The following PLEKHA8 variants were observed in gnomAD, a reference collection of about 807,000 sequenced individuals.
The protein encoded by PLEKHA8 is pleckstrin homology domain-containing family A member 8.
Under a neutral mutation model 68.2 loss-of-function variants are expected in PLEKHA8, and 36 were observed. The observed-to-expected ratio is 0.53, with a 90% CI of 0.40 to 0.70. The LOEUF is 0.70. PLEKHA8 is among the 30% of genes least tolerant of loss of function. The probability of loss-of-function intolerance (pLI) is 0.00; values close to 1 mark genes in which losing one functional copy is unlikely to be tolerated. For missense variants in PLEKHA8, 505 were observed against 615.4 expected (o/e 0.82, Z 1.90); for synonymous variants, 211 against 216.1 (o/e 0.98, Z 0.20).
At chr7:30,040,033 T>C (rs1304027753) in intron 1 of PLEKHA8, among the ~76,000 whole-genome samples, 1 of 152,242 alleles carries the variant, frequency 6.6e-6, no homozygotes, top group African/African-American at 2.4e-5. Flanking sequence ...CTTTATCAGG[T>C]TGAAGAAGTT....
chr7:30,072,892 G>A (rs1212906105), intron 12 of PLEKHA8, among the ~76,000 whole-genome samples: 1 of 152,200 alleles, frequency 6.6e-6, no homozygotes, highest in Non-Finnish European at 1.5e-5. Flanking sequence ...TGATGCTTAG[G>A]AAATAAAGTG....
chr7:30,118,655 G>T (rs974861573), intron 13 of PLEKHA8, among the ~76,000 whole-genome samples: 1 of 150,724 alleles, frequency 6.6e-6, no homozygotes, highest in Admixed American at 6.6e-5. Context: ...TCGGCTCACT[G>T]CAAGCTCCGC....
At chr7:30,077,142 T>A (rs771902638) in intron 13 of PLEKHA8, among the ~76,000 whole-genome samples, 20 of 152,298 alleles carry the variant, frequency 1.3e-4, no homozygotes, top group Non-Finnish European at 2.2e-4. Flanking sequence ...CCTCCAAATT[T>A]TGAAGGCATT....
chr7:30,126,821 A>G (rs941780526), intron 13 of PLEKHA8, among the ~76,000 whole-genome samples: 1 of 152,224 alleles, frequency 6.6e-6, no homozygotes, highest in Non-Finnish European at 1.5e-5. Context: ...GTTATTCACT[A>G]TCATGAGAAT....
rs533133610 is a variant in PLEKHA8, at chr7:30,029,951, A to AT, written c.40+1157dup. On this transcript the variant is annotated intron_variant, in intron 1 of 13. Coordinates refer to ENST00000449726, the MANE Select transcript of PLEKHA8 (RefSeq NM_001197026.2). ...TAATTAGCAGTGAGTTCACCTGTTT[A>AT]TTTTTTTTCTGTAATCATTAATAGA... is the stretch of plus-strand genomic sequence containing the variant. Among the ~76,000 whole-genome samples the AT allele has an allele frequency of 3.4e-4, 51 of 151,978 alleles. No homozygotes were observed. In the South Asian group the frequency reaches 4.8e-3, roughly 14 times the overall value.
chr7:30,114,576 A>G (rs541084985), intron 13 of PLEKHA8, among the ~76,000 whole-genome samples: 1 of 152,222 alleles, frequency 6.6e-6, no homozygotes, highest in South Asian at 2.1e-4. Context: ...TCCAATTGTC[A>G]TTCTATTATA....
rs141749077 is a variant in PLEKHA8, at chr7:30,115,906, ACATG to A, written c.1363-13354_1363-13351del. 821 of 137,688 alleles carry A rather than the reference ACATG, an allele frequency of 6.0e-3. 66 individuals are homozygous for A. Among genetic ancestry groups the A allele is most frequent in the African/African-American group, 0.021 (744 of 35,306 alleles). The allele number at this position is 137,688 out of a possible 1,614,324, so 8.5% of individuals were successfully genotyped here. A position where few individuals can be genotyped will look rare whatever the true frequency, so the allele number is the denominator to read the frequency against. On this transcript the variant is annotated intron_variant, in intron 13 of 13. Transcript: ENST00000396257. ...CATACATGCGTATACATGCATGTAT[ACATG>A]CATGCGTGCGTGTACATACATGTAT...
intron 13 of PLEKHA8, among the ~76,000 whole-genome samples, chr7:30,097,013 G>T (rs1425625956): frequency 6.6e-6 from 1 of 152,092 alleles, no homozygotes; most frequent in Admixed American, 6.5e-5. Context: ...CTCTTTTAGG[G>T]CAGGCCTGGT....
At chr7:30,033,484 A>T (rs1368297482) in intron 1 of PLEKHA8, among the ~76,000 whole-genome samples, 5 of 152,210 alleles carry the variant, frequency 3.3e-5, no homozygotes, top group Non-Finnish European at 5.9e-5. Context: ...TTATTACCAA[A>T]TAATATTTCA....
At chr7:30,073,796 T>A (rs1444452066) in intron 12 of PLEKHA8, among the ~76,000 whole-genome samples, 2 of 152,022 alleles carry the variant, frequency 1.3e-5, no homozygotes, top group African/African-American at 4.8e-5. Flanking sequence ...CAGAACAGCC[T>A]GGGCAACATA....
intron 13 of PLEKHA8, among the ~76,000 whole-genome samples, chr7:30,115,599 TACATACATTTATACATGCAC>T (rs1335621769): frequency 2.7e-5 from 4 of 150,536 alleles, no homozygotes; most frequent in Non-Finnish European, 6.0e-5. Flanking sequence ...TAGACATGTA[TACATACATTTATACATGCAC>T]ACATACATGT....
chr7:30,085,720 A>C (rs1291363529), downstream of PLEKHA8, among the ~76,000 whole-genome samples: 1 of 152,128 alleles, frequency 6.6e-6, no homozygotes, highest in Non-Finnish European at 1.5e-5. Flanking sequence ...TAGAATTGAG[A>C]GTGGGAGGGA....
At chr7:30,111,242 G>A (rs1796264918) in intron 13 of PLEKHA8, among the ~76,000 whole-genome samples, 1 of 151,998 alleles carries the variant, frequency 6.6e-6, no homozygotes, top group African/African-American at 2.4e-5. Context: ...TATTCTGGAT[G>A]CAAGTCCCTC....
chr7:30,078,709 C>A lies in PLEKHA8; in HGVS notation c.1482C>A (p.Leu494=), dbSNP rs761367601. The A allele has an allele frequency of 1.9e-6, 3 of 1,613,852 alleles. No individual in the cohort carries two copies. The highest frequency in any genetic ancestry group is 2.2e-5 in the South Asian group (2 of 91,082). ...IGMQRDLSLY[L]PAMEKQLAIL... ...TGCAGAGGGACCTCAGCCTTTACCT[C>A]CCTGCCATGGAGAAGCAGCTGGCCA... Residue 494 remains leucine, a synonymous_variant, in exon 14 of 14, where the codon CTC becomes CTA. Transcript: ENST00000449726.
chr7:30,090,134 A>G (rs753108000), intron 12 of PLEKHA8: 3 of 1,547,710 alleles, frequency 1.9e-6, no homozygotes, highest in East Asian at 2.4e-5. Flanking sequence ...TTAGATTAAA[A>G]GAGTGCACTA....
chr7:30,111,772 A>G (rs542037038), intron 13 of PLEKHA8, among the ~76,000 whole-genome samples: 1 of 152,106 alleles, frequency 6.6e-6, no homozygotes, highest in Non-Finnish European at 1.5e-5. Flanking sequence ...GGTGCATGCC[A>G]CCACACCCAG....
chr7:30,098,011 A>T (rs546595287), intron 13 of PLEKHA8, among the ~76,000 whole-genome samples: 1 of 152,118 alleles, frequency 6.6e-6, no homozygotes, highest in African/African-American at 2.4e-5. Context: ...TTTGGTGTGG[A>T]TGTCCTTTCT....
intron 1 of PLEKHA8, among the ~76,000 whole-genome samples, chr7:30,043,709 C>T (rs1335954009): frequency 6.6e-6 from 1 of 152,222 alleles, no homozygotes; most frequent in Non-Finnish European, 1.5e-5. Flanking sequence ...ATTCAGGCTT[C>T]TGATTACGGT....
At chr7:30,052,055 C>T (rs10256675) in intron 6 of PLEKHA8, among the ~76,000 whole-genome samples, 15,169 of 152,032 alleles carry the variant, frequency 0.1, 960 homozygotes, top group African/African-American at 0.15. Context: ...AGAGAAGAAG[C>T]CCCCCAGGGA....
Sources: allele counts gnomAD v4.1 joint callset (sites outside exome capture counted in the v4.1 genomes callset), GRCh38; gene constraint gnomAD v4.1.1; transcripts MANE v1.5; gene names NCBI Gene and HGNC (gene_info 2026-07-23, HGNC 2026-07-21).